SH3BGR: variants seen among roughly 807,000 people sequenced by gnomAD.
SH3BGR encodes the protein SH3 domain-binding glutamic acid-rich protein.
Under a neutral mutation model 24.5 loss-of-function variants are expected in SH3BGR, and 29 were observed. The ratio of observed to expected loss-of-function variants is 1.18; its 90% CI spans 0.88 to 1.61. SH3BGR has a LOEUF of 1.61. SH3BGR is among the 40% of genes most tolerant of loss of function. SH3BGR has a pLI of 0.00. For synonymous variants in SH3BGR, 55 were observed against 65.7 expected (o/e 0.84, Z 0.79); for missense variants, 162 against 205.8 (o/e 0.79, Z 1.30).
At chr21:39,490,038 C>T (rs935139089) in intron 3 of SH3BGR, among the ~76,000 whole-genome samples, 8 of 152,044 alleles carry the variant, frequency 5.3e-5, no homozygotes, top group African/African-American at 1.7e-4. Context: ...TGTAAGTGTT[C>T]GAAAGGGCGC....
At chr21:39,495,576 C>T (rs2123481419) in intron 3 of SH3BGR, among the ~76,000 whole-genome samples, 1 of 151,842 alleles carries the variant, frequency 6.6e-6, no homozygotes, top group South Asian at 2.1e-4. Context: ...GACTCCTGGG[C>T]TCAAGCAGTC....
chr21:39,487,445 C>T (rs1349748349), intron 3 of SH3BGR, among the ~76,000 whole-genome samples: 2 of 152,210 alleles, frequency 1.3e-5, no homozygotes, highest in Non-Finnish European at 2.9e-5. Context: ...TCATGCCTAG[C>T]TGTCATAGCA....
At chr21:39,486,769 T>C (rs1207405225) in intron 3 of SH3BGR, among the ~76,000 whole-genome samples, 1 of 152,208 alleles carries the variant, frequency 6.6e-6, no homozygotes, top group Non-Finnish European at 1.5e-5. Context: ...CAGGCTGGAG[T>C]GCAGTAGCAC....
intron 6 of SH3BGR, 99 bp from the exon 7 acceptor site, chr21:39,514,989 G>A (rs1048820104): frequency 2.9e-4 from 106 of 371,618 alleles, no homozygotes; most frequent in African/African-American, 2.2e-3. Flanking sequence ...AGAATAAAAG[G>A]CAACACTTTC....
In SH3BGR at chr21:39,515,229, C is replaced by T; in HGVS notation, c.*176C>T. 2 of 404,576 alleles carry T rather than the reference C, an allele frequency of 4.9e-6. No individual in the cohort carries two copies. Among genetic ancestry groups the T allele is most frequent in the Non-Finnish European group, 5.1e-6 (1 of 195,454 alleles). The allele number at this position is 404,576 out of a possible 1,614,324, so 25.1% of individuals were successfully genotyped here. A position where few individuals can be genotyped will look rare whatever the true frequency, so the allele number is the denominator to read the frequency against. ...GGTTAGATGTACATGGAGGTATCTC[C>T]CGAATCATACAAAATTAAATGTGAA... On this transcript the variant is annotated 3_prime_UTR_variant, in exon 7 of 7. Coordinates refer to ENST00000333634, the MANE Select transcript of SH3BGR (RefSeq NM_007341.3).
rs56088801 is a variant in SH3BGR at position 39,461,135 on chromosome 21, ATT to A, written c.46-1221_46-1220del. Among the ~76,000 whole-genome samples the A allele has an allele frequency of 6.0e-3, 767 of 126,938 alleles. 3 individuals carry two copies. Among genetic ancestry groups the A allele is most frequent in the African/African-American group, 0.017 (567 of 33,028 alleles). The allele number at this position is 126,938 out of a possible 152,430, so 83.3% of individuals were successfully genotyped here. A position where few individuals can be genotyped will look rare whatever the true frequency, so the allele number is the denominator to read the frequency against. ...CATTACAACTCATCTAGTTTTGTAG[ATT>A]TTTTTTTTTTTTTTTTTTGCGACAG... On this transcript the variant is annotated intron_variant, in intron 1 of 6. Coordinates refer to ENST00000333634, the MANE Select transcript of SH3BGR (RefSeq NM_007341.3).
intron 3 of SH3BGR, among the ~76,000 whole-genome samples, chr21:39,478,147 A>T (rs2078058562): frequency 6.6e-6 from 1 of 152,244 alleles, no homozygotes; most frequent in Non-Finnish European, 1.5e-5. Context: ...TATTAAAAAA[A>T]TAACTTTTTT....
At chr21:39,491,726 G>C (rs1445892079) in intron 3 of SH3BGR, 1 of 224,830 alleles carries the variant, frequency 4.4e-6, no homozygotes, top group Non-Finnish European at 9.3e-6. Context: ...AGGTGTCGAA[G>C]AAGCTTGCTT....
chr21:39,474,867 A>T (rs918187555), intron 2 of SH3BGR, among the ~76,000 whole-genome samples: 6 of 145,896 alleles, frequency 4.1e-5, no homozygotes, highest in African/African-American at 1.3e-4. Flanking sequence ...GGGTCTTGTC[A>T]GCAATTCCTG....
At chr21:39,456,757 T>C (rs1256969372) in intron 1 of SH3BGR, among the ~76,000 whole-genome samples, 1 of 152,148 alleles carries the variant, frequency 6.6e-6, no homozygotes, top group Non-Finnish European at 1.5e-5. Flanking sequence ...TAAGAGAAAT[T>C]CCATCATTCC....
chr21:39,476,712 C>T (rs533880391), intron 3 of SH3BGR, among the ~76,000 whole-genome samples: 14 of 152,124 alleles, frequency 9.2e-5, no homozygotes, highest in African/African-American at 1.4e-4. Context: ...AGACATCTCC[C>T]GTATTCCTAC....
intron 2 of SH3BGR, among the ~76,000 whole-genome samples, chr21:39,471,797 A>C (rs1038473351): frequency 6.6e-6 from 1 of 152,104 alleles, no homozygotes; most frequent in African/African-American, 2.4e-5. Context: ...CCAATTAGCT[A>C]ATTTTCTCTT....
At chr21:39,499,178 G>A (rs1424139416) in intron 3 of SH3BGR, among the ~76,000 whole-genome samples, 1 of 151,592 alleles carries the variant, frequency 6.6e-6, no homozygotes, top group Non-Finnish European at 1.5e-5. Context: ...GACATTATGG[G>A]GATTATAATT....
Position 39,463,283 on chromosome 21 carries a change from A to C in SH3BGR, c.231+723A>C, listed in dbSNP as rs1268453967. On this transcript the variant is annotated intron_variant, in intron 2 of 6. Transcript: ENST00000333634. ...AATTAGTTTGAAAACTGTTCTGGGC[A>C]TTTTGGTTATAACAACAATTTTGTT... Among the ~76,000 whole-genome samples, 3 of 152,372 alleles carry C rather than the reference A, an allele frequency of 2.0e-5. No individual in the cohort carries two copies. In the East Asian group the frequency reaches 5.8e-4, roughly 29 times the overall value.
chr21:39,448,489 T>A (rs76138914), upstream of SH3BGR, among the ~76,000 whole-genome samples: 1 of 152,166 alleles, frequency 6.6e-6, no homozygotes, highest in African/African-American at 2.4e-5. Flanking sequence ...CAAAAAGTGA[T>A]GTTATTTGAC....
At position 39,452,197 on chromosome 21, in the gene SH3BGR, G is replaced by A. The variant is rs867623183; in HGVS notation, c.45+56G>A. ...ACTCTTTTCTGAATAACTTAGGGTT[G>A]GAAATATGGCCAACGTTGGCCTTCA... On this transcript the variant is annotated intron_variant, in intron 1 of 6. Transcript: ENST00000333634. 90 of 1,609,282 alleles carry A rather than the reference G, an allele frequency of 5.6e-5. No homozygotes were observed. In the Middle Eastern group the frequency reaches 1.6e-3, roughly 29 times the overall value.
intron 3 of SH3BGR, among the ~76,000 whole-genome samples, chr21:39,479,344 TGTGGTGGTGATGGTGGAGATGATG>T (rs2078090139): frequency 7.3e-6 from 1 of 137,626 alleles, no homozygotes; most frequent in Admixed American, 7.1e-5. Flanking sequence ...AGGTGGTGAT[TGTGGTGGTGATGGTGGAGATGATG>T]GTGGTGGTGA....
chr21:39,446,378 A>G (rs1452427162), intron 1 of SH3BGR, among the ~76,000 whole-genome samples: 1 of 152,084 alleles, frequency 6.6e-6, no homozygotes, highest in Non-Finnish European at 1.5e-5. Flanking sequence ...TTTTTCCTGC[A>G]TCAAAGCCAT....
chr21:39,447,214 G>A (rs1199714702), upstream of SH3BGR: 3 of 152,142 alleles, frequency 2.0e-5, no homozygotes, highest in Non-Finnish European at 4.4e-5. Flanking sequence ...TGCTTGGTGG[G>A]TGGTGGTGGC....
Sources: allele counts gnomAD v4.1 joint callset (sites outside exome capture counted in the v4.1 genomes callset), GRCh38; gene constraint gnomAD v4.1.1; transcripts MANE v1.5; gene names NCBI Gene and HGNC (gene_info 2026-07-23, HGNC 2026-07-21).